MERTK: variants seen among roughly 807,000 people sequenced by gnomAD.
The protein encoded by MERTK is tyrosine-protein kinase Mer.
MERTK carries 69 observed loss-of-function variants against 99.3 expected under a neutral mutation model. That is an observed-to-expected ratio of 0.70 (90% CI 0.57 to 0.85). The LOEUF is 0.85. Ranked by LOEUF, MERTK falls within the 40% of genes least tolerant of loss-of-function variation. The probability of loss-of-function intolerance (pLI) is 0.00; values close to 1 mark genes in which losing one functional copy is unlikely to be tolerated. For missense variants in MERTK, 1,125 were observed against 1,249.4 expected (o/e 0.90, Z 1.50); for synonymous variants, 426 against 467.6 (o/e 0.91, Z 1.15).
intron 4 of MERTK, among the ~76,000 whole-genome samples, chr2:111,964,398 T>TGTGTGTGTGC (rs771063715): frequency 2.5e-5 from 2 of 81,070 alleles, no homozygotes; most frequent in Non-Finnish European, 5.9e-5. Context: ...TGTGTGTGTG[T>TGTGTGTGTGC]GCGCGCGCGC....
In MERTK at chr2:111,957,471, C is replaced by CCT. The variant is rs376300262; in HGVS notation, c.758-7720_758-7719insCT. Among the ~76,000 whole-genome samples the CCT allele has an allele frequency of 2.8e-4, 43 of 152,238 alleles. 1 individual carries two copies. The highest frequency in any genetic ancestry group is 9.9e-4 in the African/African-American group (41 of 41,528). Reference sequence around the variant, plus strand: ...CAAGGAACCACCTCTGATACCCCCCCGCCCATCATTTAAAATTACAGCTTG... The same window carrying CCT: ...CAAGGAACCACCTCTGATACCCCCCCCTGCCCATCATTTAAAATTACAGCTTG... On this transcript the variant is annotated intron_variant, in intron 4 of 18. Coordinates refer to ENST00000295408, the MANE Select transcript of MERTK (RefSeq NM_006343.3).
At chr2:111,915,675 C>A (rs1339135988) in intron 1 of MERTK, among the ~76,000 whole-genome samples, 1 of 152,154 alleles carries the variant, frequency 6.6e-6, no homozygotes, top group Non-Finnish European at 1.5e-5. Context: ...GCGGGTGGAT[C>A]ACCTGAGGTC....
intron 4 of MERTK, 152 bp from the exon 5 acceptor site, chr2:111,965,039 C>T: frequency 2.7e-6 from 2 of 727,824 alleles, no homozygotes; most frequent in South Asian, 2.0e-5. Flanking sequence ...AGGTTTGTTT[C>T]TCCATAGCTA....
chr2:111,967,584 G>T lies in MERTK; in HGVS notation c.845-553G>T, dbSNP rs536737896. 2.0e-5 allele frequency among the ~76,000 whole-genome samples: 3 copies of T among 152,140 alleles called. No individual in the cohort carries two copies. The East Asian group carries it at 5.8e-4, about 29-fold the overall frequency. The stretch of plus-strand genomic sequence containing the variant: ...GCAGATGCAGCTGGCTCTTTTGCTT[G>T]AACTGACTCTTAGTGTTTCCTCGGC... On this transcript the variant is annotated intron_variant, in intron 5 of 18. Coordinates refer to ENST00000295408, the MANE Select transcript of MERTK (RefSeq NM_006343.3).
At chr2:111,912,603 A>G (rs1558768685) in intron 1 of MERTK, among the ~76,000 whole-genome samples, 1 of 152,076 alleles carries the variant, frequency 6.6e-6, no homozygotes, top group African/African-American at 2.4e-5. Flanking sequence ...AGTCCTGCAC[A>G]TCTTATAGGC....
At chr2:111,904,140 A>G (rs1168706646) in intron 1 of MERTK, among the ~76,000 whole-genome samples, 3 of 152,114 alleles carry the variant, frequency 2.0e-5, no homozygotes, top group African/African-American at 7.2e-5. Flanking sequence ...GCCCGCCCTG[A>G]CTGCCATTCC....
intron 6 of MERTK, among the ~76,000 whole-genome samples, chr2:111,968,486 T>A (rs1685403461): frequency 6.6e-6 from 1 of 152,074 alleles, no homozygotes. Context: ...AAAACGTGTT[T>A]CCAAGGGAGA....
chr2:111,924,299 C>T (rs1030549105), intron 1 of MERTK, among the ~76,000 whole-genome samples: 3 of 152,196 alleles, frequency 2.0e-5, no homozygotes, highest in African/African-American at 7.2e-5. Context: ...GTTGCCATCC[C>T]CACTTTCCCT....
chr2:111,913,045 C>A, intron 1 of MERTK: 1 of 985,258 alleles, frequency 1.0e-6, no homozygotes, highest in South Asian at 4.7e-5. Context: ...AAAGGCCTGG[C>A]GAAAGGTGAA....
At chr2:111,911,096 G>A (rs1306002416) in intron 1 of MERTK, among the ~76,000 whole-genome samples, 1 of 152,132 alleles carries the variant, frequency 6.6e-6, no homozygotes, top group Non-Finnish European at 1.5e-5. Flanking sequence ...AGGAAGAGTG[G>A]CAAGTCAAGT....
At position 111,972,796 on chromosome 2, in the gene MERTK, A is replaced by G. The variant is rs142689696; in HGVS notation, c.961-2493A>G. 5.0e-3 allele frequency among the ~76,000 whole-genome samples: 765 copies of G among 152,324 alleles called. 10 individuals are homozygous for G. The highest frequency in any genetic ancestry group is 0.018 in the African/African-American group (738 of 41,552). ...TTACTTGTTGTTTCTTTGAAATTCAAGTTTAACTAGGTGTCCTTTATATTC... is the reference window on the plus strand; with the variant it reads ...TTACTTGTTGTTTCTTTGAAATTCAGGTTTAACTAGGTGTCCTTTATATTC... On this transcript the variant is annotated intron_variant, in intron 6 of 18. Coordinates refer to ENST00000295408, the MANE Select transcript of MERTK (RefSeq NM_006343.3).
intron 2 of MERTK, among the ~76,000 whole-genome samples, chr2:111,941,543 A>C (rs1361433795): frequency 6.6e-6 from 1 of 151,982 alleles, no homozygotes; most frequent in Non-Finnish European, 1.5e-5. Flanking sequence ...TGCTGTTCTG[A>C]GCCCGGAGCC....
intron 4 of MERTK, among the ~76,000 whole-genome samples, chr2:111,948,572 C>G (rs982600468): frequency 3.3e-5 from 5 of 152,212 alleles, no homozygotes; most frequent in Non-Finnish European, 5.9e-5. Flanking sequence ...TTGTTCCACT[C>G]CAGAATTCTC....
chr2:111,987,510 C>A (rs1275586051), intron 8 of MERTK, among the ~76,000 whole-genome samples: 3 of 152,144 alleles, frequency 2.0e-5, no homozygotes, highest in African/African-American at 7.2e-5. Context: ...GGGCCTTGAC[C>A]TTGCTTTGTA....
intron 6 of MERTK, among the ~76,000 whole-genome samples, chr2:111,970,786 C>CCTCCCT (rs1676098465): frequency 5.0e-5 from 1 of 19,850 alleles, no homozygotes; most frequent in African/African-American, 1.7e-4. Flanking sequence ...TCCTCCTCCT[C>CCTCCCT]CCTCCTCCTC....
At chr2:111,918,465 C>T (rs559975714) in intron 1 of MERTK, among the ~76,000 whole-genome samples, 8 of 152,176 alleles carry the variant, frequency 5.3e-5, no homozygotes, top group Non-Finnish European at 7.4e-5. Flanking sequence ...GTTGGGCCTC[C>T]GGCAGTATCA....
intron 2 of MERTK, among the ~76,000 whole-genome samples, chr2:111,939,318 G>T (rs1684819216): frequency 6.6e-6 from 1 of 151,900 alleles, no homozygotes; most frequent in African/African-American, 2.4e-5. Flanking sequence ...TTATCCCATT[G>T]TTAATCCATG....
intron 4 of MERTK, among the ~76,000 whole-genome samples, chr2:111,953,054 G>A (rs1279695580): frequency 1.3e-5 from 2 of 152,154 alleles, no homozygotes; most frequent in Non-Finnish European, 2.9e-5. Flanking sequence ...TTCAGTGCCT[G>A]GAACATGGTA....
intron 4 of MERTK, among the ~76,000 whole-genome samples, chr2:111,961,001 G>A (rs573526289): frequency 5.0e-4 from 76 of 151,780 alleles, no homozygotes; most frequent in African/African-American, 1.8e-3. Flanking sequence ...TAATGGGTGT[G>A]AGAGAAATAT....
Sources: gnomAD v4.1 joint callset for allele counts (sites outside exome capture counted in the v4.1 genomes callset) on GRCh38, gnomAD v4.1.1 for gene constraint, MANE v1.5 for transcripts, NCBI Gene and HGNC (gene_info 2026-07-23, HGNC 2026-07-21) for gene names.